Variants in ARHGAP42 observed in about 807,000 individuals in gnomAD.
ARHGAP42 encodes the protein Rho GTPase activating protein 42, also known as rho GTPase-activating protein 42.
In ARHGAP42, 63 loss-of-function variants were observed where a neutral mutation model predicts 125.0. That is an observed-to-expected ratio of 0.50 (90% CI 0.41 to 0.62). ARHGAP42 has a LOEUF of 0.62. Among genes scored for constraint, ARHGAP42 ranks in the 20% least tolerant of loss-of-function variants. ARHGAP42 has a pLI of 0.00. For synonymous variants in ARHGAP42, 339 were observed against 351.0 expected, an observed-to-expected ratio of 0.97 and a Z score of 0.38; for missense variants, 766 against 1,024.2, an observed-to-expected ratio of 0.75 and a Z score of 3.44.
intron 3 of ARHGAP42, among the ~76,000 whole-genome samples, chr11:100,858,086 G>T (rs868336532): frequency 2.3e-3 from 247 of 109,006 alleles, no homozygotes; most frequent in African/African-American, 7.0e-3. Context: ...TCTGGATAGG[G>T]GTGTGTGTGT....
intron 10 of ARHGAP42, among the ~76,000 whole-genome samples, chr11:100,947,293 A>G (rs920255110): frequency 1.3e-5 from 2 of 151,882 alleles, no homozygotes; most frequent in East Asian, 1.9e-4. Flanking sequence ...TTTATATATA[A>G]TTCTCTTATC....
At chr11:100,837,667 T>TATTATTTA (rs1491435882) in intron 3 of ARHGAP42, among the ~76,000 whole-genome samples, 4 of 63,740 alleles carry the variant, frequency 6.3e-5, no homozygotes, top group Admixed American at 1.5e-4. Context: ...GGTGTCATCC[T>TATTATTTA]TTTTTTTTTT....
intron 6 of ARHGAP42, among the ~76,000 whole-genome samples, chr11:100,925,046 G>T (rs1031537145): frequency 6.6e-6 from 1 of 151,942 alleles, no homozygotes; most frequent in Non-Finnish European, 1.5e-5. Context: ...TGGCCAGGCT[G>T]TTCTCGAACT....
chr11:100,765,736 C>A (rs1862815068), intron 1 of ARHGAP42, among the ~76,000 whole-genome samples: 1 of 152,136 alleles, frequency 6.6e-6, no homozygotes, highest in Non-Finnish European at 1.5e-5. Context: ...TGTCTGCCTT[C>A]TGCATGGTTG....
chr11:100,890,916 T>A (rs1866201606), intron 4 of ARHGAP42, among the ~76,000 whole-genome samples: 1 of 152,160 alleles, frequency 6.6e-6, no homozygotes, highest in Admixed American at 6.5e-5. Context: ...CTTGGGAAGC[T>A]GCCCCTGTTT....
chr11:100,697,390 G>A (rs1861304907), intron 1 of ARHGAP42, among the ~76,000 whole-genome samples: 1 of 152,072 alleles, frequency 6.6e-6, no homozygotes, highest in African/African-American at 2.4e-5. Context: ...CACCGTGTTA[G>A]CCAGGATGGT....
intron 1 of ARHGAP42, among the ~76,000 whole-genome samples, chr11:100,733,171 T>C (rs1258655572): frequency 2.0e-5 from 3 of 152,206 alleles, no homozygotes; most frequent in Middle Eastern, 3.2e-3. Flanking sequence ...CAGATTCCAA[T>C]GAGCTGGTTG....
Sources: gnomAD v4.1 joint callset for allele counts (sites outside exome capture counted in the v4.1 genomes callset) on GRCh38, gnomAD v4.1.1 for gene constraint, MANE v1.5 for transcripts, NCBI Gene and HGNC (gene_info 2026-07-23, HGNC 2026-07-21) for gene names.